The following TBC1D30 variants were observed in gnomAD, a reference collection of about 807,000 sequenced individuals.
The protein encoded by TBC1D30 is TBC1 domain family member 30.
Under a neutral mutation model 63.2 loss-of-function variants are expected in TBC1D30, and 31 were observed. The ratio of observed to expected loss-of-function variants is 0.49; its 90% CI spans 0.37 to 0.66. The LOEUF is 0.66. Ranked by LOEUF, TBC1D30 falls within the 30% of genes least tolerant of loss-of-function variation. The pLI is 0.00. For missense variants in TBC1D30, 810 were observed against 953.6 expected (o/e 0.85, Z 1.98); for synonymous variants, 307 against 361.5 (o/e 0.85, Z 1.71).
chr12:64,843,531 C>T (rs746549415), intron 8 of TBC1D30, 46 bp downstream of exon 8: 24 of 1,435,554 alleles, frequency 1.7e-5, no homozygotes, highest in South Asian at 6.1e-5. Flanking sequence ...ACCCCGGGCA[C>T]GGTGGGAACA....
rs1147090 is a variant in TBC1D30 at position 64,759,493 on chromosome 12, T to C, written c.-532T>C. ...ACGTGACGGCCGGCGTGGGCGGGGC[T>C]GCGGACTGGCGCAGCCTGGAGGGAG... On this transcript the variant is annotated 5_prime_UTR_variant, in exon 1 of 14. Transcript: ENST00000674237. The C allele has an allele frequency of 0.65, 326,031 of 501,868 alleles. 109,792 individuals are homozygous for C. The highest frequency in any genetic ancestry group is 0.9 in the African/African-American group (45,150 of 50,028). The allele number at this position is 501,868 out of a possible 1,614,324, so 31.1% of individuals were successfully genotyped here.
chr12:64,851,654 G>T (rs1156240845), intron 8 of TBC1D30, among the ~76,000 whole-genome samples: 2 of 152,190 alleles, frequency 1.3e-5, no homozygotes, highest in Non-Finnish European at 2.9e-5. Context: ...TTTTACAGTG[G>T]TTGGTACCAG....
At chr12:64,821,784 AGTTGATG>A (rs1429515907), upstream of TBC1D30, among the ~76,000 whole-genome samples, 2 of 152,234 alleles carry the variant, frequency 1.3e-5, no homozygotes, top group African/African-American at 4.8e-5. Flanking sequence ...AACTGTAAAA[AGTTGATG>A]GTTGATGGAG....
At position 64,875,044 on chromosome 12, in the gene TBC1D30, T is replaced by C. The variant is rs1370991931; in HGVS notation, c.1542T>C (p.Ser514=). 2 of 1,536,620 alleles carry C rather than the reference T, an allele frequency of 1.3e-6. No individual in the cohort carries two copies. Among genetic ancestry groups the C allele is most frequent in the Non-Finnish European group, 1.7e-6 (2 of 1,147,058 alleles). The change falls in exon 12 of 12, where the codon AGT becomes AGC. Residue 514 remains serine (S), a synonymous_variant. Transcript: ENST00000539867. The part of the protein sequence containing the change: ...VTSILPSQVN[S]SPVINHLLLG... ...GCATTCTCCCGTCTCAGGTAAACAGTTCTCCAGTTATAAACCACCTTCTTT... is the reference window on the plus strand; with the variant it reads ...GCATTCTCCCGTCTCAGGTAAACAGCTCTCCAGTTATAAACCACCTTCTTT...
chr12:64,841,328 C>T lies in TBC1D30; in HGVS notation c.933-2052C>T, dbSNP rs543112583. Among the ~76,000 whole-genome samples the T allele has an allele frequency of 1.3e-4, 20 of 152,304 alleles. No homozygotes were observed. The South Asian group carries it at 3.9e-3, about 30-fold the overall frequency. On this transcript the variant is annotated intron_variant, in intron 7 of 11. Coordinates refer to ENST00000539867, the MANE Select transcript of TBC1D30 (RefSeq NM_015279.2). ...ATATGTAAATTGTAGACCATCAGCA[C>T]GCCATCACTAGCATCTCTTTATGTG...
chr12:64,761,677 G>C (rs1051269129), intron 1 of TBC1D30, among the ~76,000 whole-genome samples: 2 of 152,192 alleles, frequency 1.3e-5, no homozygotes, highest in African/African-American at 4.8e-5. Context: ...AAAAAGGGGA[G>C]GCATGAATAA....
At chr12:64,768,805 CTATTT>C (rs1478146859) in intron 1 of TBC1D30, among the ~76,000 whole-genome samples, 1 of 152,114 alleles carries the variant, frequency 6.6e-6, no homozygotes, top group African/African-American at 2.4e-5. Flanking sequence ...GCTGTTAAGA[CTATTT>C]TATAGGCTGT....
intron 2 of TBC1D30, among the ~76,000 whole-genome samples, chr12:64,817,298 C>T (rs142242115): frequency 2.6e-3 from 393 of 152,286 alleles, no homozygotes; most frequent in South Asian, 8.5e-3. Flanking sequence ...TGCTTTATGC[C>T]ATGACTTTCA....
upstream of TBC1D30, among the ~76,000 whole-genome samples, chr12:64,823,315 G>C (rs1381880765): frequency 2.6e-4 from 40 of 152,160 alleles, 1 homozygote; most frequent in Admixed American, 2.6e-3. Context: ...ATGTACAACT[G>C]TTGATGTACA....
chr12:64,875,186 A>G lies in TBC1D30; in HGVS notation c.1684A>G (p.Asn562Asp). 1 of 1,536,364 alleles carries G rather than the reference A, an allele frequency of 6.5e-7. No homozygotes were observed. The highest frequency in any genetic ancestry group is 1.2e-5 in the South Asian group (1 of 84,058). The change falls in exon 12 of 12, where the codon AAC becomes GAC. Residue 562 changes from asparagine to aspartate, a missense_variant. Asn to Asp is a conservative substitution (Grantham distance 23). Around this residue, in one of 4 missense-constraint regions of TBC1D30, gnomAD observed 450 missense variants for 473.0 expected, o/e 0.95. Transcript: ENST00000539867. ...VPYEDLKTKL[N>D]SPWRTHIRVH... Reference sequence around the variant, plus strand: ...CTACGAAGACCTTAAGACGAAGCTCAACTCCCCGTGGCGAACTCACATCCG... The same window carrying G: ...CTACGAAGACCTTAAGACGAAGCTCGACTCCCCGTGGCGAACTCACATCCG...
chr12:64,825,214 C>T (rs1362765908), intron 1 of TBC1D30, among the ~76,000 whole-genome samples, 181 bp downstream of exon 1: 1 of 152,196 alleles, frequency 6.6e-6, no homozygotes, highest in Non-Finnish European at 1.5e-5. Flanking sequence ...AGAGGGCAGA[C>T]GGGGGCCTGG....
chr12:64,817,145 G>A (rs1873591890), intron 2 of TBC1D30, among the ~76,000 whole-genome samples: 1 of 152,150 alleles, frequency 6.6e-6, no homozygotes, highest in Non-Finnish European at 1.5e-5. Flanking sequence ...ACCTCAGTGG[G>A]GTATCCTGGC....
Position 64,824,806 on chromosome 12 carries a change from C to T in TBC1D30, c.-74C>T. ...GCAGACACTCACCCAGCTCCGCGAG[C>T]TCAGCCGCTCAGCGAGTGGGGTAGC... On this transcript the variant is annotated 5_prime_UTR_variant, in exon 1 of 12. Coordinates refer to ENST00000539867, the MANE Select transcript of TBC1D30 (RefSeq NM_015279.2). 7 of 1,486,384 alleles carry T rather than the reference C, an allele frequency of 4.7e-6. No individual in the cohort carries two copies. The highest frequency in any genetic ancestry group is 6.3e-6 in the Non-Finnish European group (7 of 1,119,670). 92.1% of individuals were successfully genotyped at this position (1,486,384 alleles called of 1,614,324 possible). A position where few individuals can be genotyped will look rare whatever the true frequency, so the allele number is the denominator to read the frequency against.
At chr12:64,823,958 T>G (rs1268547397), upstream of TBC1D30, among the ~76,000 whole-genome samples, 1 of 152,192 alleles carries the variant, frequency 6.6e-6, no homozygotes, top group East Asian at 1.9e-4. Flanking sequence ...ATTTAGTGTT[T>G]CTTTTTATAA....
exon 1 of TBC1D30, chr12:64,781,115 C>A: frequency 9.9e-7 from 1 of 1,005,162 alleles, no homozygotes; most frequent in South Asian, 4.1e-5. Flanking sequence ...GGGCGGGGGC[C>A]GCGGGGCCGA....
chr12:64,850,042 T>G lies in TBC1D30; in HGVS notation c.1038+6557T>G, dbSNP rs1436604232. Among the ~76,000 whole-genome samples, 4 of 152,320 alleles carry G rather than the reference T, an allele frequency of 2.6e-5. No homozygotes were observed. The East Asian group carries it at 7.7e-4, about 29-fold the overall frequency. ...TAATTCTCTTTGTAGCAATTGTGAA[T>G]GGGAGTTCACTCATGATTTGGCTCT... On this transcript the variant is annotated intron_variant, in intron 8 of 11. Coordinates refer to ENST00000539867, the MANE Select transcript of TBC1D30 (RefSeq NM_015279.2).
chr12:64,802,354 A>G (rs976686325), intron 2 of TBC1D30, among the ~76,000 whole-genome samples: 20 of 152,042 alleles, frequency 1.3e-4, no homozygotes, highest in African/African-American at 4.6e-4. Context: ...GGTGGAGACG[A>G]AAAGGGTCGC....
chr12:64,759,635 A>C (rs569676750), exon 1 of TBC1D30: 36 of 309,946 alleles, frequency 1.2e-4, no homozygotes, highest in African/African-American at 7.5e-4. Flanking sequence ...GAGAACCGGG[A>C]AAAGGTCAAG....
chr12:64,846,100 A>G (rs1430469318), intron 8 of TBC1D30, among the ~76,000 whole-genome samples: 1 of 151,440 alleles, frequency 6.6e-6, no homozygotes, highest in Non-Finnish European at 1.5e-5. Flanking sequence ...TCTGGTTATT[A>G]ATCCCTTTTC....
Sources: gnomAD v4.1 joint callset for allele counts (sites outside exome capture counted in the v4.1 genomes callset) on GRCh38, gnomAD v4.1.1 for gene constraint, gnomAD v4.1.1 regional missense constraint, MANE v1.5 for transcripts, NCBI Gene and HGNC (gene_info 2026-07-23, HGNC 2026-07-21) for gene names.